The following PLCE1 variants were observed in gnomAD, a reference collection of about 807,000 sequenced individuals.
PLCE1 encodes the protein phospholipase C epsilon 1, also known as 1-phosphatidylinositol 4,5-bisphosphate phosphodiesterase epsilon-1.
PLCE1 carries 119 observed loss-of-function variants against 242.8 expected under a neutral mutation model. The observed-to-expected ratio is 0.49, with a 90% confidence interval of 0.42 to 0.57. The LOEUF (loss-of-function observed/expected upper bound fraction) is 0.57, where lower values mean the gene tolerates loss of function less well. Among genes scored for constraint, PLCE1 ranks in the 20% least tolerant of loss-of-function variants. The pLI, the probability that PLCE1 is intolerant of heterozygous loss-of-function variation, is 0.00. For missense variants in PLCE1, 2,441 were observed against 2,788.8 expected (o/e 0.88, Z 2.81); for synonymous variants, 945 against 1,017.4 (o/e 0.93, Z 1.35).
At chr10:94,160,177 C>A (rs2047563111) in intron 3 of PLCE1, among the ~76,000 whole-genome samples, 1 of 152,150 alleles carries the variant, frequency 6.6e-6, no homozygotes, top group Non-Finnish European at 1.5e-5. Context: ...AGTTCTAGAT[C>A]CCTGAGGAAT....
At chr10:94,038,653 A>G (rs950237163) in intron 2 of PLCE1, among the ~76,000 whole-genome samples, 2 of 152,196 alleles carry the variant, frequency 1.3e-5, no homozygotes, top group African/African-American at 4.8e-5. Flanking sequence ...TTGAAACACA[A>G]TAGCAGATTT....
intron 2 of PLCE1, among the ~76,000 whole-genome samples, chr10:94,119,946 G>A (rs746864229): frequency 1.3e-5 from 2 of 152,162 alleles, no homozygotes; most frequent in Non-Finnish European, 2.9e-5. Context: ...ATTAAAGTGC[G>A]GCTACTTTGT....
intron 5 of PLCE1, 60 bp from the exon 6 acceptor site, chr10:94,233,994 C>T: frequency 7.0e-7 from 1 of 1,433,662 alleles, no homozygotes; most frequent in Non-Finnish European, 9.7e-7. Flanking sequence ...AATTTAGGCT[C>T]CTTGCTGTAA....
At chr10:94,197,295 G>A (rs1407130007) in intron 4 of PLCE1, among the ~76,000 whole-genome samples, 3 of 152,170 alleles carry the variant, frequency 2.0e-5, no homozygotes, top group Admixed American at 6.5e-5. Context: ...GTGCTGCTAT[G>A]AAATTCAAGA....
At chr10:94,211,490 T>A (rs910006480) in intron 4 of PLCE1, among the ~76,000 whole-genome samples, 1 of 152,240 alleles carries the variant, frequency 6.6e-6, no homozygotes, top group Non-Finnish European at 1.5e-5. Flanking sequence ...GACTAAATAA[T>A]GTCTAAAGTC....
At chr10:94,162,327 T>C (rs1483316781) in intron 3 of PLCE1, among the ~76,000 whole-genome samples, 1 of 152,246 alleles carries the variant, frequency 6.6e-6, no homozygotes, top group African/African-American at 2.4e-5. Context: ...ATTGCCTCAA[T>C]TTCAGAGCCT....
chr10:94,052,022 G>A (rs1465871520), intron 2 of PLCE1, among the ~76,000 whole-genome samples: 1 of 152,060 alleles, frequency 6.6e-6, no homozygotes, highest in Non-Finnish European at 1.5e-5. Context: ...AGCTCCTTCG[G>A]GGCATGAATT....
At chr10:94,156,296 T>C (rs2047432283) in intron 3 of PLCE1, among the ~76,000 whole-genome samples, 1 of 152,176 alleles carries the variant, frequency 6.6e-6, no homozygotes, top group South Asian at 2.1e-4. Context: ...AGGGGCTCAG[T>C]GCCACAGGAT....
At position 94,298,480 on chromosome 10, in the gene PLCE1, A is replaced by G; in HGVS notation, c.5269A>G (p.Ile1757Val). 1 of 1,614,138 alleles carries G rather than the reference A, an allele frequency of 6.2e-7. No homozygotes were observed. The highest frequency in any genetic ancestry group is 8.5e-7 in the Non-Finnish European group (1 of 1,179,994). Residue 1757 changes from isoleucine to valine, a missense_variant, in exon 24 of 33, where the codon ATC (isoleucine) becomes GTC (valine). Around this residue, in one of 5 missense-constraint regions of PLCE1, gnomAD observed 1,004 missense variants for 1,322.7 expected, o/e 0.76. Coordinates refer to ENST00000371380, the MANE Select transcript of PLCE1 (RefSeq NM_016341.4). The surrounding 1 kb of genome is among the most constrained non-coding windows in gnomAD (Gnocchi z 5.2). ...CATTAGAACTCCCAAATGTTATCAT[A>G]TCTCGTCGCTGAATGAAAATGCCGC... The part of the protein sequence containing the change: ...AIIRTPKCYH[I>V]SSLNENAAKR...
chr10:94,266,657 A>G (rs1333412187), intron 16 of PLCE1, among the ~76,000 whole-genome samples: 2 of 152,138 alleles, frequency 1.3e-5, no homozygotes, highest in African/African-American at 4.8e-5. Context: ...AGAAGGGTCA[A>G]TTCGGTTGGA....
At chr10:94,051,785 A>G (rs989836916) in intron 2 of PLCE1, among the ~76,000 whole-genome samples, 4 of 152,178 alleles carry the variant, frequency 2.6e-5, no homozygotes, top group African/African-American at 9.7e-5. Context: ...CTACATACCT[A>G]CTTGTGATCA....
chr10:94,063,401 C>T (rs1271980612), intron 2 of PLCE1, among the ~76,000 whole-genome samples: 2 of 152,206 alleles, frequency 1.3e-5, no homozygotes, highest in African/African-American at 4.8e-5. Flanking sequence ...CGCATTGCCA[C>T]ATCTCGTTTC....
chr10:94,266,001 A>G, intron 16 of PLCE1, 43 bp downstream of exon 16: 1 of 1,591,678 alleles, frequency 6.3e-7, no homozygotes, highest in Non-Finnish European at 8.6e-7. Flanking sequence ...ATTAAACCTA[A>G]TTATTTATGT....
At chr10:94,213,167 T>C (rs576353752) in intron 4 of PLCE1, among the ~76,000 whole-genome samples, 3 of 152,190 alleles carry the variant, frequency 2.0e-5, no homozygotes, top group Non-Finnish European at 4.4e-5. Flanking sequence ...ATATCTTAGG[T>C]AGTTGGTGGG....
chr10:94,126,716 T>G (rs897543005), intron 2 of PLCE1, among the ~76,000 whole-genome samples: 7 of 152,392 alleles, frequency 4.6e-5, no homozygotes, highest in Admixed American at 1.3e-4. Flanking sequence ...TTCTCTCATT[T>G]GTGACTGTAT....
intron 11 of PLCE1, among the ~76,000 whole-genome samples, chr10:94,257,307 A>G (rs755920316): frequency 6.6e-6 from 1 of 151,634 alleles, no homozygotes; most frequent in Non-Finnish European, 1.5e-5. Context: ...GATATTCTCT[A>G]TACTTTCTTA....
At chr10:94,134,476 G>T (rs991101753) in intron 3 of PLCE1, among the ~76,000 whole-genome samples, 1 of 152,108 alleles carries the variant, frequency 6.6e-6, no homozygotes, top group Non-Finnish European at 1.5e-5. Flanking sequence ...ACCCAGATGG[G>T]TTTCTCACCA....
Position 94,308,631 on chromosome 10 carries a change from T to G in PLCE1, c.5935T>G (p.Ser1979Ala), listed in dbSNP as rs1196943350. ...RNLHNEVLEI[S>A]SLFINSRRME... is the part of the protein sequence containing the mutation. ...CCTTCACAATGAAGTCTTGGAGATTTCTAGTTTATTCATTAACAGCAGAAG... is the reference window on the plus strand; with the variant it reads ...CCTTCACAATGAAGTCTTGGAGATTGCTAGTTTATTCATTAACAGCAGAAG... The change falls in exon 27 of 33, where the codon TCT (serine) becomes GCT (alanine). Residue 1979 changes from serine (S) to alanine (A), a missense_variant. Transcript: ENST00000371380. 1 of 1,613,750 alleles carries G rather than the reference T, an allele frequency of 6.2e-7. No homozygotes were observed. Among genetic ancestry groups the G allele is most frequent in the South Asian group, 1.1e-5 (1 of 91,076 alleles).
At chr10:94,309,851 A>T (rs1445781174) in intron 27 of PLCE1, among the ~76,000 whole-genome samples, 1 of 151,890 alleles carries the variant, frequency 6.6e-6, no homozygotes, top group Admixed American at 6.5e-5. Context: ...CTTGGGCAAG[A>T]CCCCATCTCT....
Sources: allele counts gnomAD v4.1 joint callset (sites outside exome capture counted in the v4.1 genomes callset), GRCh38; gene constraint gnomAD v4.1.1; regional missense constraint gnomAD v4.1.1; non-coding constraint Gnocchi (gnomAD v3.1); transcripts MANE v1.5; gene names NCBI Gene and HGNC (gene_info 2026-07-23, HGNC 2026-07-21).